The following CUBN variants were observed in gnomAD, a reference collection of about 807,000 sequenced individuals.
CUBN encodes 460 kDa receptor.
A neutral mutation model predicts 405.3 loss-of-function variants in CUBN; 282 were observed. The ratio of observed to expected loss-of-function variants is 0.70; its 90% CI spans 0.63 to 0.77. The LOEUF (loss-of-function observed/expected upper bound fraction) is 0.77, where lower values mean the gene tolerates loss of function less well. CUBN is among the 30% of genes least tolerant of loss of function. CUBN has a pLI of 0.00. For synonymous variants in CUBN, 1,684 were observed against 1,617.0 expected (o/e 1.04, Z -0.99); for missense variants, 4,514 against 4,475.2 (o/e 1.01, Z -0.25).
chr10:16,865,890 A>G (rs1840170254), intron 59 of CUBN, among the ~76,000 whole-genome samples: 1 of 152,134 alleles, frequency 6.6e-6, no homozygotes, highest in Non-Finnish European at 1.5e-5. Flanking sequence ...AAGAGCTGTA[A>G]CACTCACCAC....
intron 66 of CUBN, among the ~76,000 whole-genome samples, chr10:16,827,928 G>A (rs116209083): frequency 5.9e-5 from 9 of 152,188 alleles, no homozygotes; most frequent in Admixed American, 5.2e-4. Context: ...CAAATGAGAG[G>A]ATCGTAAGCA....
At chr10:16,868,737 T>C (rs1588604000) in intron 59 of CUBN, among the ~76,000 whole-genome samples, 1 of 152,162 alleles carries the variant, frequency 6.6e-6, no homozygotes, top group African/African-American at 2.4e-5. Flanking sequence ...GGGGCATATT[T>C]TCAGTTTATC....
chr10:17,114,745 C>T (rs1186540067), intron 7 of CUBN, among the ~76,000 whole-genome samples: 1 of 152,122 alleles, frequency 6.6e-6, no homozygotes, highest in Non-Finnish European at 1.5e-5. Context: ...GGACGCAGGG[C>T]ATGGAGGGTC....
At position 16,984,291 on chromosome 10, in the gene CUBN, T is replaced by C. The variant is rs1433774882; in HGVS notation, c.4351-12A>G. 6.2e-7 allele frequency: 1 copy of C among 1,613,180 alleles called. No homozygotes were observed. Among genetic ancestry groups the C allele is most frequent in the East Asian group, 2.2e-5 (1 of 44,894 alleles). On this transcript the variant is annotated splice_polypyrimidine_tract_variant and intron_variant, in intron 29 of 66. Transcript: ENST00000377833. ...GGGCCTCCATAGATCTAACATGGGA[T>C]GTAGGAAAAAAGACTTTAAAAAATA...
At chr10:16,856,728 A>C (rs1252242947) in intron 59 of CUBN, among the ~76,000 whole-genome samples, 1 of 152,082 alleles carries the variant, frequency 6.6e-6, no homozygotes, top group Non-Finnish European at 1.5e-5. Context: ...GTTGACCACT[A>C]CTGAGAAGGT....
chr10:17,051,771 C>T lies in CUBN; in HGVS notation c.3140-4168G>A, dbSNP rs76162964. On this transcript the variant is annotated intron_variant, in intron 22 of 66. Transcript: ENST00000377833. ...CTAAAGAACAAAGAAAAAAGAACTCCAGGAAAATGGACAGATATTTAAAAA... is the reference window on the plus strand; with the variant it reads ...CTAAAGAACAAAGAAAAAAGAACTCTAGGAAAATGGACAGATATTTAAAAA... 8.2e-3 allele frequency among the ~76,000 whole-genome samples: 1,237 copies of T among 150,864 alleles called. 13 individuals are homozygous for T. The highest frequency in any genetic ancestry group is 0.027 in the African/African-American group (1,094 of 41,114).
At chr10:16,993,058 A>G (rs1301751463) in intron 28 of CUBN, among the ~76,000 whole-genome samples, 1 of 152,210 alleles carries the variant, frequency 6.6e-6, no homozygotes, top group Non-Finnish European at 1.5e-5. Flanking sequence ...ACAGTGCCTC[A>G]TGTAACTCGT....
At chr10:16,837,714 A>C (rs899136816) in intron 62 of CUBN, among the ~76,000 whole-genome samples, 14 of 151,566 alleles carry the variant, frequency 9.2e-5, no homozygotes, top group Non-Finnish European at 2.1e-4. Context: ...TGCTCTGTCT[A>C]CTCTTGGATA....
intron 29 of CUBN, among the ~76,000 whole-genome samples, chr10:16,987,277 T>C (rs1247267858): frequency 6.6e-6 from 1 of 152,214 alleles, no homozygotes; most frequent in Non-Finnish European, 1.5e-5. Flanking sequence ...AAGAAAAAGA[T>C]GGAAAGAATT....
chr10:17,065,359 A>C, intron 22 of CUBN, 149 bp downstream of exon 22: 3 of 915,038 alleles, frequency 3.3e-6, no homozygotes, highest in Non-Finnish European at 5.3e-6. Context: ...TTTAATAAGG[A>C]AGGTATTTAA....
chr10:17,127,285 T>C (rs1837221062), intron 3 of CUBN, among the ~76,000 whole-genome samples: 4 of 133,518 alleles, frequency 3.0e-5, no homozygotes, highest in African/African-American at 7.9e-5. Context: ...TTTTTTTTTC[T>C]GGCAAGGTCC....
At chr10:17,117,742 AACC>A (rs1836941293) in intron 6 of CUBN, among the ~76,000 whole-genome samples, 1 of 152,040 alleles carries the variant, frequency 6.6e-6, no homozygotes, top group Admixed American at 6.6e-5. Context: ...AGAATCTTTA[AACC>A]AACTGTTACT....
Position 17,065,619 on chromosome 10 carries a change from G to A in CUBN, c.3028C>T (p.Pro1010Ser). 6.2e-7 allele frequency: 1 copy of A among 1,613,410 alleles called. No homozygotes were observed. The highest frequency in any genetic ancestry group is 1.3e-5 in the African/African-American group (1 of 74,976). Residue 1010 changes from proline to serine, a missense_variant, in exon 22 of 67, where the codon CCG becomes TCG. Coordinates refer to ENST00000377833, the MANE Select transcript of CUBN (RefSeq NM_001081.4). ...SLGRYCGKSI[P>S]PSLTSSGNSL... is the part of the protein sequence containing the mutation. ...TTACCACTGCTTGTGAGAGATGGCG[G>A]GATCGACTTTCCACAGTATCTATTC...
chr10:17,041,073 T>G lies in CUBN; in HGVS notation c.3977A>C (p.Asp1326Ala), dbSNP rs774933317. 3 of 1,613,716 alleles carry G rather than the reference T, an allele frequency of 1.9e-6. No homozygotes were observed. Among genetic ancestry groups the G allele is most frequent in the Non-Finnish European group, 2.5e-6 (3 of 1,179,780 alleles). The part of the protein sequence containing the change: ...NTVNYTFLAF[D>A]LEHHINCSTD... The stretch of plus-strand genomic sequence containing the variant: ...GGAGCAGTTTATGTGATGTTCCAAG[T>G]CAAATGCTAAAAATGTGTAGTTCAC... Residue 1326 changes from aspartate (D) to alanine (A), a missense_variant, in exon 27 of 67, where the codon GAC (aspartate) becomes GCC (alanine). By Grantham distance (126) the Asp-to-Ala change is moderately radical. Around this residue, in one of 5 missense-constraint regions of CUBN, gnomAD observed 242 missense variants for 309.0 expected, o/e 0.78. Transcript: ENST00000377833.
chr10:16,907,690 A>C lies in CUBN; in HGVS notation c.7534-11T>G, dbSNP rs1564417010. ...AATGCCATTGAATACCTGTTGGAAA[A>C]AGAGTTTAACCTTCAGGCACACAAT... On this transcript the variant is annotated splice_polypyrimidine_tract_variant and intron_variant, in intron 48 of 66. Transcript: ENST00000377833. 5 of 1,611,818 alleles carry C rather than the reference A, an allele frequency of 3.1e-6. No individual in the cohort carries two copies. The highest frequency in any genetic ancestry group is 4.2e-6 in the Non-Finnish European group (5 of 1,179,714).
intron 22 of CUBN, among the ~76,000 whole-genome samples, chr10:17,049,940 C>A (rs1401924429): frequency 6.6e-6 from 1 of 152,140 alleles, no homozygotes; most frequent in Non-Finnish European, 1.5e-5. Context: ...ACTTTATTAA[C>A]CATTATTTAC....
intron 37 of CUBN, 45 bp from the exon 38 acceptor site, chr10:16,939,192 C>T (rs373487717): frequency 6.8e-6 from 10 of 1,473,558 alleles, no homozygotes; most frequent in East Asian, 2.3e-5. Context: ...CTTAGAATTG[C>T]TCTTTAATCA....
At chr10:17,022,111 C>T (rs934439315) in intron 27 of CUBN, among the ~76,000 whole-genome samples, 13 of 152,130 alleles carry the variant, frequency 8.5e-5, no homozygotes, top group Admixed American at 2.0e-4. Flanking sequence ...CCTCTTAGAC[C>T]ATAAAGGATT....
chr10:16,869,565 G>GC (rs1564395027), intron 59 of CUBN, 71 bp downstream of exon 59: 6 of 987,714 alleles, frequency 6.1e-6, no homozygotes, highest in African/African-American at 3.5e-5. Context: ...GGTGGGGGGG[G>GC]GGCGGGGAAA....
Sources: allele counts gnomAD v4.1 joint callset (sites outside exome capture counted in the v4.1 genomes callset), GRCh38; gene constraint gnomAD v4.1.1; regional missense constraint gnomAD v4.1.1; transcripts MANE v1.5; gene names NCBI Gene and HGNC (gene_info 2026-07-23, HGNC 2026-07-21).